The following TECRL variants were observed in gnomAD, a reference collection of about 807,000 sequenced individuals.
TECRL encodes the protein trans-2,3-enoyl-CoA reductase like, also known as trans-2,3-enoyl-CoA reductase-like.
A neutral mutation model predicts 52.8 loss-of-function variants in TECRL; 63 were observed. The ratio of observed to expected loss-of-function variants is 1.19; its 90% confidence interval spans 0.97 to 1.47. The LOEUF (loss-of-function observed/expected upper bound fraction) is 1.47, where lower values mean the gene tolerates loss of function less well. TECRL is among the 40% of genes most tolerant of loss of function. TECRL has a pLI of 0.00. For missense variants in TECRL, 482 were observed against 429.6 expected (o/e 1.12, Z -1.08); for synonymous variants, 164 against 141.9 (o/e 1.16, Z -1.10).
chr4:64,386,982 G>T (rs148687235), intron 1 of TECRL, among the ~76,000 whole-genome samples: 1,767 of 152,204 alleles, frequency 0.012, 15 homozygotes, highest in South Asian at 0.024. Context: ...TCATGGTGTT[G>T]TACGTTCTAT....
intron 4 of TECRL, among the ~76,000 whole-genome samples, chr4:64,317,352 T>C (rs1218894211): frequency 6.6e-6 from 1 of 152,042 alleles, no homozygotes; most frequent in Non-Finnish European, 1.5e-5. Context: ...CAACTGTGAA[T>C]TGGTGAGAGC....
At chr4:64,305,608 C>G (rs1443799774) in intron 6 of TECRL, among the ~76,000 whole-genome samples, 1 of 152,106 alleles carries the variant, frequency 6.6e-6, no homozygotes, top group African/African-American at 2.4e-5. Context: ...AAGGGACTTT[C>G]CAGCCACCTG....
At chr4:64,329,166 C>A (rs558555135) in intron 2 of TECRL, among the ~76,000 whole-genome samples, 48 of 151,816 alleles carry the variant, frequency 3.2e-4, no homozygotes, top group African/African-American at 1.1e-3. Flanking sequence ...TTATACACTG[C>A]CATAATGAAG....
chr4:64,329,510 T>C lies in TECRL; in HGVS notation c.287-954A>G, dbSNP rs995189545. Among the ~76,000 whole-genome samples the C allele has an allele frequency of 2.6e-5, 4 of 151,960 alleles. No individual in the cohort carries two copies. The East Asian group carries it at 7.7e-4, about 29-fold the overall frequency. On this transcript the variant is annotated intron_variant, in intron 2 of 11. Transcript: ENST00000381210. The stretch of plus-strand genomic sequence containing the variant: ...AAAGAGGAAGTTCGGATGAAAAATA[T>C]ATGTGGGTAATTTTAAGAATATATT...
chr4:64,360,289 A>G (rs535161903), intron 2 of TECRL, among the ~76,000 whole-genome samples: 2 of 152,244 alleles, frequency 1.3e-5, no homozygotes, highest in Non-Finnish European at 2.9e-5. Flanking sequence ...CACTTGAGGC[A>G]AATGAATCAT....
chr4:64,389,136 G>C (rs1723377962), intron 1 of TECRL, among the ~76,000 whole-genome samples: 1 of 151,788 alleles, frequency 6.6e-6, no homozygotes, highest in Admixed American at 6.6e-5. Context: ...ACATTAGCTA[G>C]AACTTCCAGT....
chr4:64,328,097 GCTT>G (rs1367276680), intron 3 of TECRL, among the ~76,000 whole-genome samples: 1 of 151,900 alleles, frequency 6.6e-6, no homozygotes, highest in Non-Finnish European at 1.5e-5. Flanking sequence ...TGGGCATAAT[GCTT>G]CTTCTCCAAA....
chr4:64,380,345 T>A (rs1316919266), intron 1 of TECRL, among the ~76,000 whole-genome samples: 1 of 152,086 alleles, frequency 6.6e-6, no homozygotes, highest in Non-Finnish European at 1.5e-5. Context: ...GTGCAAATAT[T>A]TTCTTCCACT....
At chr4:64,395,717 G>C (rs940360589) in intron 1 of TECRL, among the ~76,000 whole-genome samples, 1 of 151,888 alleles carries the variant, frequency 6.6e-6, no homozygotes, top group Non-Finnish European at 1.5e-5. Context: ...GGTTTGTTAC[G>C]GGGGTAAACT....
chr4:64,312,300 C>T (rs950229868), intron 5 of TECRL, among the ~76,000 whole-genome samples: 7 of 152,108 alleles, frequency 4.6e-5, no homozygotes, highest in Admixed American at 2.6e-4. Flanking sequence ...TTTTCTAAAT[C>T]TAGATACCTA....
chr4:64,389,013 C>T (rs2109739474), intron 1 of TECRL, among the ~76,000 whole-genome samples: 1 of 151,802 alleles, frequency 6.6e-6, no homozygotes, highest in South Asian at 2.1e-4. Flanking sequence ...TGTTTGTTTC[C>T]TTGGGTTTTT....
intron 2 of TECRL, among the ~76,000 whole-genome samples, chr4:64,343,275 T>C (rs936536561): frequency 5.9e-5 from 9 of 152,120 alleles, no homozygotes; most frequent in Non-Finnish European, 1.3e-4. Flanking sequence ...GTGTTTATGT[T>C]GTATAGTTTG....
At chr4:64,405,700 T>C (rs553658421) in intron 1 of TECRL, among the ~76,000 whole-genome samples, 2 of 152,126 alleles carry the variant, frequency 1.3e-5, no homozygotes, top group South Asian at 4.2e-4. Context: ...CTCAATAAAG[T>C]AAATTATTGT....
intron 2 of TECRL, among the ~76,000 whole-genome samples, chr4:64,330,508 A>G (rs1305221554): frequency 6.6e-6 from 1 of 152,096 alleles, no homozygotes. Flanking sequence ...TTAATGTTAA[A>G]CTTTAATTAA....
At chr4:64,399,242 A>G (rs572619842) in intron 1 of TECRL, among the ~76,000 whole-genome samples, 8 of 152,284 alleles carry the variant, frequency 5.3e-5, no homozygotes, top group African/African-American at 1.9e-4. Context: ...TAAGCAGCAA[A>G]GTGTTCAAGA....
At chr4:64,286,047 A>G (rs1448167720) in intron 9 of TECRL, among the ~76,000 whole-genome samples, 1 of 152,134 alleles carries the variant, frequency 6.6e-6, no homozygotes, top group Non-Finnish European at 1.5e-5. Flanking sequence ...ACATTTAATA[A>G]TAAATGTAAA....
In TECRL at chr4:64,280,025, A is replaced by G. The variant is rs1016689002; in HGVS notation, c.*47T>C. On this transcript the variant is annotated 3_prime_UTR_variant, in exon 12 of 12. Transcript: ENST00000381210. The stretch of plus-strand genomic sequence containing the variant: ...AACTATCCTTAACTAAGTCTTATTT[A>G]TTGAATTTATATGTTGCTGTTTTCT... 2.6e-6 allele frequency: 4 copies of G among 1,545,034 alleles called. No homozygotes were observed. In the African/African-American group the frequency reaches 5.6e-5, roughly 22 times the overall value.
downstream of TECRL, chr4:64,277,012 G>C: frequency 6.7e-7 from 1 of 1,494,384 alleles, no homozygotes; most frequent in Non-Finnish European, 9.0e-7. Flanking sequence ...GTGTAAATTT[G>C]TCAGGCTTTT....
At chr4:64,340,742 C>T (rs755864457) in intron 2 of TECRL, among the ~76,000 whole-genome samples, 2 of 152,124 alleles carry the variant, frequency 1.3e-5, no homozygotes, top group African/African-American at 4.8e-5. Flanking sequence ...ATCTTCAGGC[C>T]GTGAAGTGCC....
Sources: allele counts gnomAD v4.1 joint callset (sites outside exome capture counted in the v4.1 genomes callset), GRCh38; gene constraint gnomAD v4.1.1; transcripts MANE v1.5; gene names NCBI Gene and HGNC (gene_info 2026-07-23, HGNC 2026-07-21).